PCDHGA12: variants seen among roughly 807,000 people sequenced by gnomAD.
PCDHGA12 encodes protocadherin gamma-A12.
In PCDHGA12, 43 loss-of-function variants were observed where a neutral mutation model predicts 61.1. The observed-to-expected ratio is 0.70, with a 90% CI of 0.55 to 0.91. The LOEUF is 0.91. Ranked by LOEUF, PCDHGA12 falls within the 40% of genes least tolerant of loss-of-function variation. The pLI is 0.00. For missense variants in PCDHGA12, 1,236 were observed against 1,227.7 expected (o/e 1.01, Z -0.10); for synonymous variants, 520 against 542.9 (o/e 0.96, Z 0.59).
chr5:141,468,180 C>T (rs1053758210), intron 1 of PCDHGA12, among the ~76,000 whole-genome samples: 4 of 151,744 alleles, frequency 2.6e-5, no homozygotes, highest in Non-Finnish European at 5.9e-5. Context: ...GAAAAATTTG[C>T]TGGGCATGGT....
At chr5:141,444,507 G>C (rs1213059531) in intron 1 of PCDHGA12, among the ~76,000 whole-genome samples, 1 of 152,068 alleles carries the variant, frequency 6.6e-6, no homozygotes, top group Non-Finnish European at 1.5e-5. Context: ...CTTTGCTCTA[G>C]CAGTATAGTA....
chr5:141,501,030 A>G (rs2099805050), intron 2 of PCDHGA12, among the ~76,000 whole-genome samples: 1 of 151,848 alleles, frequency 6.6e-6, no homozygotes, highest in Admixed American at 6.6e-5. Flanking sequence ...CACCACGCCC[A>G]GCTAATTTTT....
Position 141,487,003 on chromosome 5 carries a change from C to T in PCDHGA12, c.2425-7804C>T. The stretch of plus-strand genomic sequence containing the variant: ...ACAATGCTTGGGTTTCCTATCAGCT[C>T]CTGGAGGCCCCAGATCCCAGCCTGT... On this transcript the variant is annotated intron_variant, in intron 1 of 3. Transcript: ENST00000252085. The surrounding 1 kb of genome is among the most constrained non-coding windows in gnomAD (Gnocchi z 5.0). 1 of 1,614,228 alleles carries T rather than the reference C, an allele frequency of 6.2e-7. No homozygotes were observed.
intron 1 of PCDHGA12, among the ~76,000 whole-genome samples, chr5:141,494,397 A>G (rs965158973): frequency 7.2e-5 from 11 of 152,208 alleles, no homozygotes; most frequent in African/African-American, 2.4e-4. Flanking sequence ...GAATAAATTC[A>G]TTCTAGGGCT....
rs781289120 is a variant in PCDHGA12 at position 141,431,571 on chromosome 5, A to G, written c.812A>G (p.Glu271Gly). ...GTAGTCAACGCTACCGACCCTGACG[A>G]AGGAGTCAATGCGGAAGTGAGGTAT... is the stretch of plus-strand genomic sequence containing the variant. ...LLVVNATDPD[E>G]GVNAEVRYSF... Residue 271 changes from glutamate to glycine, a missense_variant, in exon 1 of 4, where the codon GAA (glutamate) becomes GGA (glycine). By Grantham distance (98) the Glu-to-Gly change is moderately conservative (BLOSUM62 -2). Transcript: ENST00000252085. The surrounding 1 kb of genome is among the most constrained non-coding windows in gnomAD (Gnocchi z 4.8). 6.2e-7 allele frequency: 1 copy of G among 1,614,144 alleles called. No homozygotes were observed. The highest frequency in any genetic ancestry group is 2.2e-5 in the East Asian group (1 of 44,882).
chr5:141,486,083 C>T lies in PCDHGA12; in HGVS notation c.2425-8724C>T, dbSNP rs367657659. On this transcript the variant is annotated intron_variant, in intron 1 of 3. Coordinates refer to ENST00000252085, the MANE Select transcript of PCDHGA12 (RefSeq NM_003735.3). This position sits in a 1 kb window ranked among gnomAD's most constrained non-coding sequence, Gnocchi z 5.0. ...GCACCCCACTACTGGAAAGCTTACTCTTTTGGGGCCCCTAGACTTTGAGAG... is the reference window on the plus strand; with the variant it reads ...GCACCCCACTACTGGAAAGCTTACTTTTTTGGGGCCCCTAGACTTTGAGAG... The T allele has an allele frequency of 1.2e-6, 2 of 1,614,062 alleles. No individual in the cohort carries two copies. Among genetic ancestry groups the T allele is most frequent in the Non-Finnish European group, 1.7e-6 (2 of 1,180,040 alleles).
In PCDHGA12 at chr5:141,491,424, G is replaced by A. The variant is rs745755214; in HGVS notation, c.2425-3383G>A. The A allele has an allele frequency of 6.2e-7, 1 of 1,614,092 alleles. No individual in the cohort carries two copies. Among genetic ancestry groups the A allele is most frequent in the Non-Finnish European group, 8.5e-7 (1 of 1,180,028 alleles). ...ACGCAGACGGGGACGGGGGTGGAGG[G>A]CAGTGCTGCAGGCGCCAGGACTCAC... On this transcript the variant is annotated intron_variant, in intron 1 of 3. Coordinates refer to ENST00000252085, the MANE Select transcript of PCDHGA12 (RefSeq NM_003735.3). The surrounding 1 kb of genome is among the most constrained non-coding windows in gnomAD (Gnocchi z 6.9).
Position 141,491,364 on chromosome 5 carries a change from C to T in PCDHGA12, c.2425-3443C>T. 1 of 1,614,164 alleles carries T rather than the reference C, an allele frequency of 6.2e-7. No homozygotes were observed. The highest frequency in any genetic ancestry group is 8.5e-7 in the Non-Finnish European group (1 of 1,180,000). On this transcript the variant is annotated intron_variant, in intron 1 of 3. Coordinates refer to ENST00000252085, the MANE Select transcript of PCDHGA12 (RefSeq NM_003735.3). This position sits in a 1 kb window ranked among gnomAD's most constrained non-coding sequence, Gnocchi z 6.9. The stretch of plus-strand genomic sequence containing the variant: ...CCGTCAGTCTCTTATCCCTAGTCAC[C>T]TTCACCTTTCTGTCAGCGAAGTGCC...
At chr5:141,462,905 T>G (rs542357408) in intron 1 of PCDHGA12, among the ~76,000 whole-genome samples, 265 of 152,356 alleles carry the variant, frequency 1.7e-3, no homozygotes, top group Non-Finnish European at 3.1e-3. Flanking sequence ...AAGGCTATTA[T>G]GTTTTTTGCA....
chr5:141,473,262 G>T (rs905961411), intron 1 of PCDHGA12, among the ~76,000 whole-genome samples: 2 of 152,188 alleles, frequency 1.3e-5, no homozygotes, highest in Admixed American at 6.5e-5. Flanking sequence ...AGTCCTTAGT[G>T]TATGCTATGA....
chr5:141,494,909 T>G (rs764123148), intron 2 of PCDHGA12, 44 bp downstream of exon 2: 1 of 1,614,042 alleles, frequency 6.2e-7, no homozygotes, highest in Admixed American at 1.7e-5. Flanking sequence ...CTGCGGCATT[T>G]TCTCAGGGAT....
chr5:141,498,531 G>A (rs1384404653), intron 2 of PCDHGA12, among the ~76,000 whole-genome samples: 3 of 148,544 alleles, frequency 2.0e-5, no homozygotes, highest in Non-Finnish European at 4.4e-5. Context: ...CTGCCCTCCA[G>A]CCTGGTCTGG....
chr5:141,494,236 T>C (rs1384800217), intron 1 of PCDHGA12, among the ~76,000 whole-genome samples: 7 of 152,128 alleles, frequency 4.6e-5, no homozygotes, highest in Non-Finnish European at 1.0e-4. Flanking sequence ...AAATTAATAA[T>C]GTATTTAGCT....
chr5:141,489,594 T>A lies in PCDHGA12; in HGVS notation c.2425-5213T>A. The A allele has an allele frequency of 2.5e-6, 4 of 1,614,076 alleles. No homozygotes were observed. Among genetic ancestry groups the A allele is most frequent in the Non-Finnish European group, 3.4e-6 (4 of 1,179,982 alleles). ...CTGAACACCCCCTGGAGCTAATCCG[T>A]GTAGAGGTAGAGATCCTGGATCTCA... On this transcript the variant is annotated intron_variant, in intron 1 of 3. Coordinates refer to ENST00000252085, the MANE Select transcript of PCDHGA12 (RefSeq NM_003735.3). This position sits in a 1 kb window ranked among gnomAD's most constrained non-coding sequence, Gnocchi z 4.5.
chr5:141,434,784 A>C (rs967716221), intron 1 of PCDHGA12, among the ~76,000 whole-genome samples: 1 of 150,278 alleles, frequency 6.7e-6, no homozygotes, highest in African/African-American at 2.5e-5. Flanking sequence ...AAAAAAAAAA[A>C]TTTTTTTTTC....
At chr5:141,510,321 CA>C (rs1376271166) in intron 3 of PCDHGA12, among the ~76,000 whole-genome samples, 1 of 150,840 alleles carries the variant, frequency 6.6e-6, no homozygotes, top group Non-Finnish European at 1.5e-5. Context: ...CTTGGAAGAG[CA>C]CTCTTCACCC....
intron 1 of PCDHGA12, among the ~76,000 whole-genome samples, chr5:141,465,280 C>T (rs922029628): frequency 7.2e-5 from 11 of 151,990 alleles, no homozygotes; most frequent in Non-Finnish European, 1.5e-4. Flanking sequence ...TTAGTTCACC[C>T]CTAAAGAACT....
At chr5:141,475,218 A>G (rs2154572291) in intron 1 of PCDHGA12, among the ~76,000 whole-genome samples, 1 of 152,326 alleles carries the variant, frequency 6.6e-6, no homozygotes, top group African/African-American at 2.4e-5. Flanking sequence ...GGATTGATCA[A>G]GTAAAGGGAA....
chr5:141,474,153 A>G (rs1424442765), intron 1 of PCDHGA12, among the ~76,000 whole-genome samples: 3 of 152,254 alleles, frequency 2.0e-5, no homozygotes, highest in Non-Finnish European at 4.4e-5. Flanking sequence ...TATCAAGAAA[A>G]TGACAGGCCT....
Sources: gnomAD v4.1 joint callset for allele counts (sites outside exome capture counted in the v4.1 genomes callset) on GRCh38, gnomAD v4.1.1 for gene constraint, Gnocchi (gnomAD v3.1) non-coding constraint, MANE v1.5 for transcripts, NCBI Gene and HGNC (gene_info 2026-07-23, HGNC 2026-07-21) for gene names.